MAGI2: variants seen among roughly 807,000 people sequenced by gnomAD.
MAGI2 encodes the protein membrane-associated guanylate kinase, WW and PDZ domain-containing protein 2.
A neutral mutation model predicts 133.3 loss-of-function variants in MAGI2; 35 were observed. The observed-to-expected ratio is 0.26, with a 90% CI of 0.20 to 0.35. The LOEUF is 0.35. Among genes scored for constraint, MAGI2 ranks in the 10% least tolerant of loss-of-function variants. MAGI2 has a pLI of 1.00. For synonymous variants in MAGI2, 729 were observed against 710.6 expected, an observed-to-expected ratio of 1.03 and a Z score of -0.41; for missense variants, 1,636 against 1,863.4, an observed-to-expected ratio of 0.88 and a Z score of 2.25.
chr7:79,234,575 G>C (rs1462256613), intron 1 of MAGI2, among the ~76,000 whole-genome samples: 1 of 151,976 alleles, frequency 6.6e-6, no homozygotes, highest in Non-Finnish European at 1.5e-5. Context: ...CTTTCTTCCA[G>C]TTGATCGCAT....
intron 1 of MAGI2, among the ~76,000 whole-genome samples, chr7:79,120,676 C>T (rs1819817371): frequency 6.6e-6 from 1 of 151,928 alleles, no homozygotes; most frequent in Non-Finnish European, 1.5e-5. Context: ...AGAGAAAGGA[C>T]CACTATAAGT....
At chr7:79,075,854 G>A (rs563241280) in intron 1 of MAGI2, among the ~76,000 whole-genome samples, 9 of 152,230 alleles carry the variant, frequency 5.9e-5, no homozygotes, top group African/African-American at 1.9e-4. Flanking sequence ...GAAGGGATAA[G>A]TTGTAAACAA....
intron 10 of MAGI2, among the ~76,000 whole-genome samples, chr7:78,224,219 C>A (rs934647162): frequency 3.9e-5 from 6 of 152,084 alleles, no homozygotes; most frequent in Non-Finnish European, 8.8e-5. Context: ...TATGCAGAAA[C>A]CAAACATTTT....
At chr7:79,225,489 T>A (rs1425264836) in intron 1 of MAGI2, among the ~76,000 whole-genome samples, 1 of 152,216 alleles carries the variant, frequency 6.6e-6, no homozygotes, top group East Asian at 1.9e-4. Flanking sequence ...TAATACAATC[T>A]TTTAAAAGAT....
At chr7:79,028,235 G>GTATA (rs1174096501) in intron 1 of MAGI2, among the ~76,000 whole-genome samples, 1,196 of 28,940 alleles carry the variant, frequency 0.041, 19 homozygotes, top group Middle Eastern at 0.083. Context: ...ATATATGTAT[G>GTATA]TATATATATA....
chr7:78,279,054 G>A (rs1051180798), intron 9 of MAGI2, among the ~76,000 whole-genome samples: 2 of 152,160 alleles, frequency 1.3e-5, no homozygotes, highest in Non-Finnish European at 2.9e-5. Context: ...AGGGGATGTG[G>A]GAGAAGGATT....
At chr7:78,205,621 C>A (rs536722502) in intron 10 of MAGI2, among the ~76,000 whole-genome samples, 53 of 152,242 alleles carry the variant, frequency 3.5e-4, no homozygotes, top group Non-Finnish European at 6.5e-4. Flanking sequence ...GGAACCTATT[C>A]ATATTAAAAT....
chr7:79,192,318 A>G (rs1214308085), intron 1 of MAGI2, among the ~76,000 whole-genome samples: 2 of 151,942 alleles, frequency 1.3e-5, no homozygotes, highest in Non-Finnish European at 2.9e-5. Flanking sequence ...TCTGCAACTT[A>G]AAAAAGTATC....
At chr7:78,438,204 T>C (rs1787239644) in intron 6 of MAGI2, among the ~76,000 whole-genome samples, 1 of 151,638 alleles carries the variant, frequency 6.6e-6, no homozygotes, top group Non-Finnish European at 1.5e-5. Context: ...CTCTATACTA[T>C]CAAACTTCTC....
intron 1 of MAGI2, among the ~76,000 whole-genome samples, chr7:79,093,615 C>A (rs1188572181): frequency 6.6e-6 from 1 of 152,066 alleles, no homozygotes; most frequent in Non-Finnish European, 1.5e-5. Context: ...CTTGCCTCAA[C>A]TTCCATGGCT....
At chr7:78,100,840 T>G (rs945681748) in intron 20 of MAGI2, among the ~76,000 whole-genome samples, 2 of 152,152 alleles carry the variant, frequency 1.3e-5, no homozygotes, top group African/African-American at 4.8e-5. Context: ...AGAACTAATA[T>G]GTGAATTCAG....
chr7:78,402,415 T>A (rs1796974224), intron 6 of MAGI2, among the ~76,000 whole-genome samples: 1 of 150,760 alleles, frequency 6.6e-6, no homozygotes, highest in Admixed American at 6.6e-5. Context: ...GCATGTATGT[T>A]TCCACCTGGG....
chr7:78,665,473 C>A (rs1161395496), intron 2 of MAGI2, among the ~76,000 whole-genome samples: 1 of 152,102 alleles, frequency 6.6e-6, no homozygotes, highest in Non-Finnish European at 1.5e-5. Context: ...TTTGCCTGAT[C>A]GCACATTGTA....
intron 1 of MAGI2, among the ~76,000 whole-genome samples, chr7:79,014,611 C>T (rs1808503345): frequency 6.6e-6 from 1 of 152,064 alleles, no homozygotes; most frequent in Non-Finnish European, 1.5e-5. Flanking sequence ...ACATAATAAT[C>T]TAACCTAAAT....
intron 15 of MAGI2, among the ~76,000 whole-genome samples, chr7:78,164,841 T>A (rs1030827662): frequency 1.3e-5 from 2 of 152,254 alleles, no homozygotes; most frequent in Admixed American, 1.3e-4. Context: ...TCCAAAATAA[T>A]GTGCCATTAG....
At chr7:79,114,779 T>TCTCACCAC (rs1297716038) in intron 1 of MAGI2, among the ~76,000 whole-genome samples, 1 of 152,168 alleles carries the variant, frequency 6.6e-6, no homozygotes, top group South Asian at 2.1e-4. Flanking sequence ...AAGTAATTAT[T>TCTCACCAC]CTCACCACCA....
chr7:79,096,957 C>T (rs1014668620), intron 1 of MAGI2, among the ~76,000 whole-genome samples: 3 of 152,134 alleles, frequency 2.0e-5, no homozygotes, highest in African/African-American at 7.2e-5. Context: ...TATTCGTTAT[C>T]TCCCCAATGA....
At chr7:78,587,572 A>G (rs887218605) in intron 3 of MAGI2, among the ~76,000 whole-genome samples, 23 of 152,228 alleles carry the variant, frequency 1.5e-4, no homozygotes, top group Admixed American at 1.5e-3. Context: ...TTGCATTTGC[A>G]AACAAAATTT....
At chr7:78,290,102 CA>C (rs1445450047) in intron 9 of MAGI2, among the ~76,000 whole-genome samples, 1 of 152,114 alleles carries the variant, frequency 6.6e-6, no homozygotes, top group Non-Finnish European at 1.5e-5. Flanking sequence ...TCACACATAA[CA>C]ATATTAACCT....
Sources: gnomAD v4.1 joint callset for allele counts (sites outside exome capture counted in the v4.1 genomes callset) on GRCh38, gnomAD v4.1.1 for gene constraint, MANE v1.5 for transcripts, NCBI Gene and HGNC (gene_info 2026-07-23, HGNC 2026-07-21) for gene names.